Variants in GPC6 observed in about 807,000 individuals in gnomAD.
GPC6 encodes the protein glypican 6, also known as glypican-6.
GPC6 carries 14 observed loss-of-function variants against 55.2 expected under a neutral mutation model. The observed-to-expected ratio is 0.25, with a 90% CI of 0.17 to 0.40. The LOEUF (loss-of-function observed/expected upper bound fraction) is 0.40, where lower values mean the gene tolerates loss of function less well. GPC6 is among the 10% of genes least tolerant of loss of function. The probability of loss-of-function intolerance (pLI) is 1.00; values close to 1 mark genes in which losing one functional copy is unlikely to be tolerated. For missense variants in GPC6, 641 were observed against 708.5 expected, an observed-to-expected ratio of 0.90 and a Z score of 1.08; for synonymous variants, 278 against 259.6, an observed-to-expected ratio of 1.07 and a Z score of -0.68.
At chr13:93,873,955 G>A (rs762247914) in intron 3 of GPC6, among the ~76,000 whole-genome samples, 5 of 151,850 alleles carry the variant, frequency 3.3e-5, no homozygotes, top group Non-Finnish European at 5.9e-5. Flanking sequence ...CTTACTCTCA[G>A]CCACCATCAT....
chr13:94,286,245 A>G (rs1273375239), intron 4 of GPC6, 104 bp from the exon 5 acceptor site: 6 of 1,164,924 alleles, frequency 5.2e-6, no homozygotes, highest in African/African-American at 3.0e-5. Flanking sequence ...AAAAACGTGA[A>G]TGCACCATTA....
At chr13:93,492,052 G>C (rs2139358358) in intron 1 of GPC6, among the ~76,000 whole-genome samples, 1 of 142,574 alleles carries the variant, frequency 7.0e-6, no homozygotes, top group South Asian at 2.3e-4. Context: ...TTCCAATTCT[G>C]TGAAGAAAGT....
At chr13:93,805,479 T>C (rs1886516028) in intron 2 of GPC6, among the ~76,000 whole-genome samples, 1 of 152,190 alleles carries the variant, frequency 6.6e-6, no homozygotes, top group African/African-American at 2.4e-5. Context: ...AAGATTATTA[T>C]ATTTTTAAAA....
intron 1 of GPC6, among the ~76,000 whole-genome samples, chr13:93,388,632 TCCTTAGAGCTGCCCACCTGA>T (rs1875494920): frequency 6.6e-6 from 1 of 152,170 alleles, no homozygotes; most frequent in South Asian, 2.1e-4. Context: ...AAATGATGCC[TCCTTAGAGCTGCCCACCTGA>T]CCTCTGTAAG....
intron 1 of GPC6, among the ~76,000 whole-genome samples, chr13:93,286,572 T>C (rs1878133739): frequency 6.6e-6 from 1 of 152,154 alleles, no homozygotes; most frequent in South Asian, 2.1e-4. Flanking sequence ...ATTTAAACAC[T>C]CCTCTATAAT....
At position 94,190,256 on chromosome 13, in the gene GPC6, G is replaced by A. The variant is rs1484349480; in HGVS notation, c.878-96093G>A. On this transcript the variant is annotated intron_variant, in intron 4 of 8. Transcript: ENST00000377047. ...AATTGTTTGAACCCGGGAGGCGGAG[G>A]TTGCAGTGAACCAAGATCGTGCCAT... is the stretch of plus-strand genomic sequence containing the variant. Among the ~76,000 whole-genome samples the A allele has an allele frequency of 2.6e-5, 4 of 151,770 alleles. No homozygotes were observed. In the East Asian group the frequency reaches 7.7e-4, roughly 29 times the overall value.
intron 3 of GPC6, among the ~76,000 whole-genome samples, chr13:93,987,946 T>C (rs1881109141): frequency 6.6e-6 from 1 of 152,150 alleles, no homozygotes; most frequent in Non-Finnish European, 1.5e-5. Context: ...CCTTGCCTCT[T>C]GTCCTGCTCC....
At chr13:94,321,368 G>A (rs1411092093) in intron 6 of GPC6, among the ~76,000 whole-genome samples, 1 of 152,114 alleles carries the variant, frequency 6.6e-6, no homozygotes, top group Admixed American at 6.6e-5. Flanking sequence ...ATTTTGCTGC[G>A]ATGAACATAC....
intron 1 of GPC6, among the ~76,000 whole-genome samples, chr13:93,316,751 T>C (rs1395314942): frequency 1.3e-5 from 2 of 152,106 alleles, no homozygotes; most frequent in Non-Finnish European, 1.5e-5. Flanking sequence ...CTTTGATAAA[T>C]CAGAGCTCAT....
intron 2 of GPC6, among the ~76,000 whole-genome samples, chr13:93,641,215 C>A (rs898539767): frequency 6.6e-6 from 1 of 152,002 alleles, no homozygotes; most frequent in Non-Finnish European, 1.5e-5. Flanking sequence ...ACTGCATTCA[C>A]AATTGTGTCC....
At chr13:93,267,790 A>G (rs905165021) in intron 1 of GPC6, among the ~76,000 whole-genome samples, 3 of 152,194 alleles carry the variant, frequency 2.0e-5, no homozygotes, top group African/African-American at 4.8e-5. Flanking sequence ...ATTAGATCAT[A>G]TACCTACATT....
chr13:93,368,398 T>TTCCA (rs1881338301), intron 1 of GPC6, among the ~76,000 whole-genome samples: 1 of 141,696 alleles, frequency 7.1e-6, no homozygotes, highest in African/African-American at 2.8e-5. Flanking sequence ...CCGTCCTTCC[T>TTCCA]TCCTTCCTTC....
At chr13:94,341,201 T>C (rs569667112) in intron 6 of GPC6, among the ~76,000 whole-genome samples, 2 of 152,346 alleles carry the variant, frequency 1.3e-5, no homozygotes, top group Non-Finnish European at 2.9e-5. Flanking sequence ...AAAAATCCTA[T>C]TTGAAATCTC....
chr13:93,389,375 G>T (rs1455683580), intron 1 of GPC6, among the ~76,000 whole-genome samples: 1 of 151,716 alleles, frequency 6.6e-6, no homozygotes, highest in African/African-American at 2.4e-5. Context: ...GTGGTGGCAG[G>T]CACCTGTAGT....
At chr13:94,171,413 CT>C (rs1392462811) in intron 4 of GPC6, among the ~76,000 whole-genome samples, 19 of 152,144 alleles carry the variant, frequency 1.2e-4, no homozygotes, top group African/African-American at 4.1e-4. Context: ...AAACAGAAGG[CT>C]GTTACATTTT....
At chr13:93,462,884 G>A (rs966857861) in intron 1 of GPC6, among the ~76,000 whole-genome samples, 1 of 151,974 alleles carries the variant, frequency 6.6e-6, no homozygotes, top group Admixed American at 6.6e-5. Flanking sequence ...TCCTTTTCCC[G>A]TGCCCTGCCC....
At chr13:93,387,337 C>T (rs145363120) in intron 1 of GPC6, among the ~76,000 whole-genome samples, 3 of 152,180 alleles carry the variant, frequency 2.0e-5, no homozygotes, top group African/African-American at 4.8e-5. Context: ...CCCTCCACCC[C>T]CAACAGGCCC....
intron 4 of GPC6, among the ~76,000 whole-genome samples, chr13:94,225,323 G>A (rs1017593639): frequency 2.6e-5 from 4 of 152,072 alleles, no homozygotes; most frequent in Non-Finnish European, 5.9e-5. Flanking sequence ...CCCCAAAAAT[G>A]TTTTGTGAAA....
intron 1 of GPC6, among the ~76,000 whole-genome samples, chr13:93,270,271 C>T (rs147259144): frequency 4.7e-5 from 7 of 149,418 alleles, no homozygotes; most frequent in African/African-American, 1.7e-4. Context: ...AAAAAAGGCC[C>T]CACATCACCT....
Sources: allele counts gnomAD v4.1 joint callset (sites outside exome capture counted in the v4.1 genomes callset), GRCh38; gene constraint gnomAD v4.1.1; transcripts MANE v1.5; gene names NCBI Gene and HGNC (gene_info 2026-07-23, HGNC 2026-07-21).